CHD9: variants seen among roughly 807,000 people sequenced by gnomAD.
CHD9 encodes ATP-dependent chromatin remodeler CHD9.
CHD9 carries 77 observed loss-of-function variants against 316.1 expected under a neutral mutation model. That is an observed-to-expected ratio of 0.24 (90% CI 0.20 to 0.29). The LOEUF is 0.29. Ranked by LOEUF, CHD9 falls within the 10% of genes least tolerant of loss-of-function variation. The pLI is 1.00. For missense variants in CHD9, 2,763 were observed against 3,438.1 expected (o/e 0.80, Z 4.91); for synonymous variants, 1,129 against 1,158.3 (o/e 0.97, Z 0.51).
At chr16:53,108,964 T>G (rs2037608932) in intron 1 of CHD9, among the ~76,000 whole-genome samples, 1 of 152,204 alleles carries the variant, frequency 6.6e-6, no homozygotes, top group Non-Finnish European at 1.5e-5. Context: ...TTGGTAAGTT[T>G]TCATGAGGAA....
intron 3 of CHD9, among the ~76,000 whole-genome samples, chr16:53,220,596 AT>A (rs575314261): frequency 2.1e-3 from 317 of 151,956 alleles, no homozygotes; most frequent in African/African-American, 7.0e-3. Context: ...CAACTGCTTT[AT>A]TTTTTTTATT....
chr16:53,270,690 A>C (rs748241131), intron 22 of CHD9, among the ~76,000 whole-genome samples: 11 of 152,306 alleles, frequency 7.2e-5, no homozygotes, highest in East Asian at 1.9e-4. Flanking sequence ...AGGAAACGGC[A>C]ACAAGATTTT....
At chr16:53,150,826 A>G (rs2041040807) in intron 1 of CHD9, among the ~76,000 whole-genome samples, 1 of 152,186 alleles carries the variant, frequency 6.6e-6, no homozygotes, top group Admixed American at 6.5e-5. Flanking sequence ...ATGGTTTCTG[A>G]TGAGAAATCC....
intron 1 of CHD9, among the ~76,000 whole-genome samples, chr16:53,089,084 C>T (rs576403627): frequency 1.3e-5 from 2 of 151,816 alleles, no homozygotes; most frequent in Non-Finnish European, 2.9e-5. Flanking sequence ...TGCACTCCAA[C>T]CTGGGTGACA....
intron 1 of CHD9, among the ~76,000 whole-genome samples, chr16:53,055,908 A>T (rs1035904364): frequency 6.6e-6 from 1 of 152,194 alleles, no homozygotes; most frequent in Non-Finnish European, 1.5e-5. Flanking sequence ...GTTCCTCCCC[A>T]CCCTGATCCC....
rs981324296 is a variant in CHD9, at chr16:53,083,917, AT to A, written c.-165+28851del. 7.3e-3 allele frequency among the ~76,000 whole-genome samples: 1,086 copies of A among 148,018 alleles called. 12 individuals are homozygous for A. The highest frequency in any genetic ancestry group is 0.025 in the African/African-American group (995 of 40,544). ...AAGTGTGCATCACTATGCCCAACTA[AT>A]TTTTTTTTTTAATTGAGATAGGGTC... On this transcript the variant is annotated intron_variant, in intron 1 of 38. Coordinates refer to ENST00000447540, the MANE Select transcript of CHD9 (RefSeq NM_001308319.2).
intron 2 of CHD9, among the ~76,000 whole-genome samples, chr16:53,206,833 A>C (rs1256270576): frequency 5.9e-5 from 9 of 152,166 alleles, no homozygotes; most frequent in Non-Finnish European, 1.3e-4. Context: ...CTCCATTATC[A>C]CTGTTATTAC....
At position 53,307,954 on chromosome 16, in the gene CHD9, G is replaced by A. The variant is rs747953038; in HGVS notation, c.7053+1G>A. 10 of 1,593,094 alleles carry A rather than the reference G, an allele frequency of 6.3e-6. No individual in the cohort carries two copies. Among genetic ancestry groups the A allele is most frequent in the Admixed American group, 3.6e-5 (2 of 56,046 alleles). On this transcript the variant is annotated splice_donor_variant, in intron 33 of 38. Transcript: ENST00000447540. LOFTEE classifies it high-confidence loss of function. The stretch of plus-strand genomic sequence containing the variant: ...GGAGTTTACAGTGAAAATCAAAGAC[G>A]TATGTGTATTTTTATTGCCCTAGGG...
intron 1 of CHD9, among the ~76,000 whole-genome samples, chr16:53,067,172 G>A (rs8058007): frequency 0.62 from 94,246 of 151,916 alleles, 29,796 homozygotes; most frequent in Non-Finnish European, 0.67. Context: ...TGAACTCCCG[G>A]GCTCATGCAG....
chr16:53,089,676 A>G (rs1320821737), intron 1 of CHD9, among the ~76,000 whole-genome samples: 1 of 152,214 alleles, frequency 6.6e-6, no homozygotes, highest in Non-Finnish European at 1.5e-5. Context: ...ACTGGAAACT[A>G]GGACATTTAG....
chr16:53,290,527 T>C (rs8049550), intron 27 of CHD9, among the ~76,000 whole-genome samples: 47,658 of 151,396 alleles, frequency 0.31, 7,665 homozygotes, highest in Middle Eastern at 0.39. Context: ...CAGTGGCTCA[T>C]GCCTGTAATC....
At chr16:53,118,122 C>T (rs964999103) in intron 1 of CHD9, among the ~76,000 whole-genome samples, 4 of 152,144 alleles carry the variant, frequency 2.6e-5, no homozygotes, top group Non-Finnish European at 5.9e-5. Flanking sequence ...CCACCACATG[C>T]GGCCAAGACC....
chr16:53,152,090 G>A (rs528118299), intron 1 of CHD9, among the ~76,000 whole-genome samples: 4 of 151,600 alleles, frequency 2.6e-5, no homozygotes, highest in Admixed American at 2.6e-4. Context: ...TCAGAAATAA[G>A]ATTTACCCCC....
At chr16:53,129,270 T>C (rs968093719) in intron 1 of CHD9, among the ~76,000 whole-genome samples, 1 of 152,178 alleles carries the variant, frequency 6.6e-6, no homozygotes, top group Non-Finnish European at 1.5e-5. Context: ...GTCAGATAGA[T>C]GAGATGTTAC....
intron 25 of CHD9, 113 bp from the exon 26 acceptor site, chr16:53,286,113 G>A (rs8056394): frequency 0.28 from 159,136 of 577,702 alleles, 22,472 homozygotes; most frequent in Middle Eastern, 0.33. Flanking sequence ...TCATTTTAAT[G>A]TATTATCCCT....
intron 34 of CHD9, among the ~76,000 whole-genome samples, chr16:53,313,777 C>T (rs1023305638): frequency 1.3e-5 from 2 of 151,662 alleles, no homozygotes; most frequent in African/African-American, 4.8e-5. Context: ...GCTGAAACCC[C>T]GTCTCTACTA....
At chr16:53,159,354 T>A (rs1355759850) in intron 2 of CHD9, among the ~76,000 whole-genome samples, 1 of 152,200 alleles carries the variant, frequency 6.6e-6, no homozygotes, top group Non-Finnish European at 1.5e-5. Context: ...CCTTACTTTC[T>A]ACAATTTTGT....
At position 53,242,942 on chromosome 16, in the gene CHD9, G is replaced by C; in HGVS notation, c.2980G>C (p.Val994Leu). The change falls in exon 13 of 39, where the codon GTG (valine) becomes CTG (leucine). Residue 994 changes from valine to leucine, a missense_variant. By Grantham distance (32) the Val-to-Leu change is conservative. Around this residue, in one of 15 missense-constraint regions of CHD9, gnomAD observed 155 missense variants for 291.8 expected, o/e 0.53. Coordinates refer to ENST00000447540, the MANE Select transcript of CHD9 (RefSeq NM_001308319.2). ...GCTTAATGCAATTGAATGGCGATGT[G>C]TGATTATTGATGAAGCACATAGGTT... Reference protein sequence around the residue: ...GELNAIEWRCVIIDEAHRLKN... With the variant: ...GELNAIEWRCLIIDEAHRLKN... 1 of 1,613,196 alleles carries C rather than the reference G, an allele frequency of 6.2e-7. No homozygotes were observed. The highest frequency in any genetic ancestry group is 1.1e-5 in the South Asian group (1 of 91,052).
intron 1 of CHD9, among the ~76,000 whole-genome samples, chr16:53,071,394 C>G (rs1261612056): frequency 6.6e-6 from 1 of 152,096 alleles, no homozygotes; most frequent in Non-Finnish European, 1.5e-5. Context: ...TATATAGAGT[C>G]AAAAGCCTAG....
Sources: allele counts gnomAD v4.1 joint callset (sites outside exome capture counted in the v4.1 genomes callset), GRCh38; gene constraint gnomAD v4.1.1; regional missense constraint gnomAD v4.1.1; transcripts MANE v1.5; gene names NCBI Gene and HGNC (gene_info 2026-07-23, HGNC 2026-07-21).